CSMD1: variants seen among roughly 807,000 people sequenced by gnomAD.
CSMD1 encodes the protein CUB and Sushi multiple domains 1, also known as CUB and sushi domain-containing protein 1.
In CSMD1, 213 loss-of-function variants were observed where a neutral mutation model predicts 417.5. The observed-to-expected ratio is 0.51, with a 90% CI of 0.46 to 0.57. The LOEUF (loss-of-function observed/expected upper bound fraction) is 0.57. Ranked by LOEUF, CSMD1 falls within the 20% of genes least tolerant of loss-of-function variation. CSMD1 has a pLI of 0.00. For missense variants in CSMD1, 6,923 were observed against 4,529.7 expected (o/e 1.53, Z -15.17); for synonymous variants, 2,862 against 1,736.8 (o/e 1.65, Z -16.11).
chr8:4,613,301 T>C lies in CSMD1; in HGVS notation c.302+24041A>G, dbSNP rs1389740638. ...CGCCATCCATGCTCCGAGTGCCCAT[T>C]GCACTAGAGTAGACACCACCGCAGG... On this transcript the variant is annotated intron_variant, in intron 2 of 69. Coordinates refer to ENST00000635120, the MANE Select transcript of CSMD1 (RefSeq NM_033225.6). Among the ~76,000 whole-genome samples the C allele has an allele frequency of 3.3e-5, 5 of 152,302 alleles. No homozygotes were observed. The East Asian group carries it at 9.7e-4, about 29-fold the overall frequency.
At chr8:4,898,236 A>C (rs1234909961) in intron 1 of CSMD1, among the ~76,000 whole-genome samples, 2 of 152,178 alleles carry the variant, frequency 1.3e-5, no homozygotes, top group Non-Finnish European at 2.9e-5. Context: ...AACGGAGAGC[A>C]TCGGGGTGCT....
intron 7 of CSMD1, among the ~76,000 whole-genome samples, chr8:3,705,755 A>C (rs1251670332): frequency 6.6e-6 from 1 of 152,154 alleles, no homozygotes; most frequent in African/African-American, 2.4e-5. Context: ...GCTTGGATCT[A>C]ATCTCTAGAA....
chr8:4,808,975 G>C (rs925853400), intron 1 of CSMD1, among the ~76,000 whole-genome samples: 2 of 152,160 alleles, frequency 1.3e-5, no homozygotes, highest in African/African-American at 4.8e-5. Flanking sequence ...AGAAAATCTT[G>C]TTTAAAATTG....
intron 2 of CSMD1, among the ~76,000 whole-genome samples, chr8:4,551,947 A>G (rs1797891335): frequency 6.6e-6 from 1 of 151,470 alleles, no homozygotes; most frequent in Non-Finnish European, 1.5e-5. Context: ...TTGACCTCCC[A>G]AAATGCTGGG....
intron 27 of CSMD1, among the ~76,000 whole-genome samples, chr8:3,225,903 C>A (rs11782249): frequency 4.6e-5 from 7 of 151,930 alleles, no homozygotes; most frequent in African/African-American, 1.7e-4. Context: ...GAGATGCTAG[C>A]AAATTCTCCA....
At chr8:3,476,731 A>C (rs141046620) in intron 11 of CSMD1, among the ~76,000 whole-genome samples, 6 of 151,952 alleles carry the variant, frequency 3.9e-5, no homozygotes, top group Non-Finnish European at 8.8e-5. Flanking sequence ...CAGCCTGGCC[A>C]ACATGATCAA....
chr8:4,211,669 T>C (rs536407950), intron 3 of CSMD1, among the ~76,000 whole-genome samples: 2 of 152,348 alleles, frequency 1.3e-5, no homozygotes, highest in African/African-American at 2.4e-5. Flanking sequence ...GCAGTATCCT[T>C]AGCTGAAATG....
At chr8:3,915,483 G>A (rs1434444200) in intron 5 of CSMD1, among the ~76,000 whole-genome samples, 1 of 151,208 alleles carries the variant, frequency 6.6e-6, no homozygotes, top group South Asian at 2.1e-4. Context: ...GGAAGTGCAG[G>A]AAAGGATGAC....
chr8:2,938,498 A>G lies in CSMD1; in HGVS notation c.*87T>C. 3 of 1,299,930 alleles carry G rather than the reference A, an allele frequency of 2.3e-6. No homozygotes were observed. The South Asian group carries it at 4.4e-5, about 19-fold the overall frequency. 80.5% of individuals were successfully genotyped at this position (1,299,930 alleles called of 1,614,324 possible). On this transcript the variant is annotated 3_prime_UTR_variant, in exon 70 of 70. Coordinates refer to ENST00000635120, the MANE Select transcript of CSMD1 (RefSeq NM_033225.6). ...GATCGCTGCAGTAAAGCCAGAGTGGAAGGGAGAGTGGTATATGGCACCAAA... is the reference window on the plus strand; with the variant it reads ...GATCGCTGCAGTAAAGCCAGAGTGGGAGGGAGAGTGGTATATGGCACCAAA...
At chr8:3,477,673 G>C (rs141286471) in intron 11 of CSMD1, among the ~76,000 whole-genome samples, 139 of 152,292 alleles carry the variant, frequency 9.1e-4, no homozygotes, top group African/African-American at 3.0e-3. Context: ...AGTCAACTCA[G>C]TTATTTGATA....
At chr8:4,020,851 A>G (rs1796753443) in intron 4 of CSMD1, among the ~76,000 whole-genome samples, 1 of 152,182 alleles carries the variant, frequency 6.6e-6, no homozygotes, top group African/African-American at 2.4e-5. Context: ...CTTTTGCCTA[A>G]ACTAATTTTA....
intron 1 of CSMD1, among the ~76,000 whole-genome samples, chr8:4,668,848 C>A (rs933936624): frequency 6.6e-6 from 1 of 152,074 alleles, no homozygotes; most frequent in Non-Finnish European, 1.5e-5. Flanking sequence ...CTCTCTCTAC[C>A]ATGTTTATCT....
intron 1 of CSMD1, among the ~76,000 whole-genome samples, chr8:4,860,913 T>C (rs1379276249): frequency 6.6e-6 from 1 of 152,054 alleles, no homozygotes; most frequent in Non-Finnish European, 1.5e-5. Flanking sequence ...ACATAGTGAA[T>C]CTCTGTTCAT....
intron 33 of CSMD1, among the ~76,000 whole-genome samples, chr8:3,195,323 AG>A (rs1261904245): frequency 1.3e-5 from 2 of 152,118 alleles, no homozygotes; most frequent in Admixed American, 1.3e-4. Flanking sequence ...CAGGCAGGAA[AG>A]AGAAGGATGT....
intron 56 of CSMD1, 23 bp from the exon 57 acceptor site, chr8:2,973,322 G>C: frequency 1.2e-6 from 2 of 1,607,642 alleles, no homozygotes; most frequent in Non-Finnish European, 1.7e-6. Context: ...AACACATACG[G>C]CAATCCACAA....
chr8:3,738,926 T>C (rs986384101), intron 6 of CSMD1, among the ~76,000 whole-genome samples: 1 of 152,228 alleles, frequency 6.6e-6, no homozygotes, highest in Non-Finnish European at 1.5e-5. Flanking sequence ...CTTCCCTCTG[T>C]CCTTGCTGAA....
rs73660397 is a variant in CSMD1, at chr8:3,627,791, G to A, written c.1010-10994C>T. On this transcript the variant is annotated intron_variant, in intron 7 of 69. Transcript: ENST00000635120. ...AAAGTGAGGGTTGGAATTTCAGCCAGCACATCTTGTTTATTTAGCTGATAA... is the reference window on the plus strand; with the variant it reads ...AAAGTGAGGGTTGGAATTTCAGCCAACACATCTTGTTTATTTAGCTGATAA... Among the ~76,000 whole-genome samples the A allele has an allele frequency of 3.6e-3, 555 of 152,272 alleles. 2 individuals carry two copies. The highest frequency in any genetic ancestry group is 0.013 in the African/African-American group (527 of 41,560).
intron 5 of CSMD1, among the ~76,000 whole-genome samples, chr8:3,943,541 A>C (rs1388472807): frequency 6.6e-6 from 1 of 151,970 alleles, no homozygotes; most frequent in African/African-American, 2.4e-5. Context: ...GATTCAAAGA[A>C]TCTCTCAAAA....
chr8:4,349,508 C>CT (rs1264320156), intron 3 of CSMD1, among the ~76,000 whole-genome samples: 1 of 152,144 alleles, frequency 6.6e-6, no homozygotes, highest in Non-Finnish European at 1.5e-5. Context: ...AATCTACCTT[C>CT]TTTTTCCCTT....
Sources: gnomAD v4.1 joint callset for allele counts (sites outside exome capture counted in the v4.1 genomes callset) on GRCh38, gnomAD v4.1.1 for gene constraint, MANE v1.5 for transcripts, NCBI Gene and HGNC (gene_info 2026-07-23, HGNC 2026-07-21) for gene names.